Variants in HTT observed in about 807,000 individuals in gnomAD.
HTT encodes the protein huntingtin, also known as huntington disease protein.
HTT carries 104 observed loss-of-function variants against 362.3 expected under a neutral mutation model. The ratio of observed to expected loss-of-function variants is 0.29; its 90% CI spans 0.24 to 0.34. HTT has a LOEUF of 0.34. Among genes scored for constraint, HTT ranks in the 10% least tolerant of loss-of-function variants. The pLI is 1.00. For missense variants in HTT, 3,301 were observed against 3,928.6 expected (o/e 0.84, Z 4.27); for synonymous variants, 1,577 against 1,548.7 (o/e 1.02, Z -0.43).
rs1712372858 is a variant in HTT, at chr4:3,074,743, C to A, written c.-83C>A. 4.3e-6 allele frequency: 6 copies of A among 1,400,730 alleles called. No homozygotes were observed. The Admixed American group carries it at 6.6e-5, about 16-fold the overall frequency. 86.8% of individuals were successfully genotyped at this position (1,400,730 alleles called of 1,614,324 possible). ...TTCTGCTTTTACCTGCGGCCCAGAG[C>A]CCCATTCATTGCCCCGGTGCTGAGC... is the stretch of plus-strand genomic sequence containing the variant. On this transcript the variant is annotated 5_prime_UTR_variant, in exon 1 of 67. Coordinates refer to ENST00000355072, the MANE Select transcript of HTT (RefSeq NM_001388492.1).
intron 4 of HTT, 58 bp downstream of exon 4, chr4:3,103,941 C>A: frequency 9.9e-7 from 1 of 1,010,048 alleles, no homozygotes; most frequent in Non-Finnish European, 1.6e-6. Context: ...TATAGGTACA[C>A]GTATTTTGTA....
chr4:3,195,881 C>T (rs982112322), intron 40 of HTT, among the ~76,000 whole-genome samples: 1 of 152,132 alleles, frequency 6.6e-6, no homozygotes, highest in African/African-American at 2.4e-5. Context: ...GGCTTTGTGG[C>T]CTTGGATAAG....
chr4:3,081,109 A>C (rs916420323), intron 1 of HTT, among the ~76,000 whole-genome samples: 1 of 152,226 alleles, frequency 6.6e-6, no homozygotes. Context: ...TCAGCTTGTC[A>C]GTTTCAACAA....
intron 29 of HTT, among the ~76,000 whole-genome samples, chr4:3,162,855 A>G (rs981917580): frequency 6.6e-6 from 1 of 152,226 alleles, no homozygotes; most frequent in Non-Finnish European, 1.5e-5. Context: ...TAAATATACA[A>G]TCATGTCATC....
At chr4:3,149,235 A>G (rs1716759231) in intron 26 of HTT, among the ~76,000 whole-genome samples, 1 of 152,038 alleles carries the variant, frequency 6.6e-6, no homozygotes, top group Non-Finnish European at 1.5e-5. Context: ...CAATAAAATC[A>G]ACTTCAAAAC....
At chr4:3,230,482 G>A (rs1311546937) in intron 60 of HTT, among the ~76,000 whole-genome samples, 2 of 152,204 alleles carry the variant, frequency 1.3e-5, no homozygotes, top group East Asian at 3.8e-4. Flanking sequence ...CTCTCCTGGG[G>A]GCCGTTTTGT....
At chr4:3,203,971 C>T (rs1332461357) in intron 41 of HTT, 36 bp from the exon 42 acceptor site, 4 of 1,607,720 alleles carry the variant, frequency 2.5e-6, no homozygotes, top group Non-Finnish European at 3.4e-6. Context: ...CACTGCCATC[C>T]AGAAACATTG....
At chr4:3,220,157 T>C in intron 52 of HTT, 25 bp from the exon 53 acceptor site, 3 of 1,613,940 alleles carry the variant, frequency 1.9e-6, no homozygotes, top group Non-Finnish European at 2.5e-6. Flanking sequence ...ACTCGGATGA[T>C]GTCACTTCCT....
Position 3,233,370 on chromosome 4 carries a change from C to G in HTT, c.8456+17C>G. 1.3e-6 allele frequency: 2 copies of G among 1,582,182 alleles called. No homozygotes were observed. The highest frequency in any genetic ancestry group is 1.1e-5 in the South Asian group (1 of 89,776). ...GATCGCCCAGTGAGTGGGAGCCTGG[C>G]TGGGGCTGGGGCGGGGGTCTCAGAA... On this transcript the variant is annotated intron_variant, in intron 61 of 66. Coordinates refer to ENST00000355072, the MANE Select transcript of HTT (RefSeq NM_001388492.1).
At position 3,125,000 on chromosome 4, in the gene HTT, A is replaced by G. The variant is rs185973618; in HGVS notation, c.1322-549A>G. Among the ~76,000 whole-genome samples the G allele has an allele frequency of 1.8e-4, 27 of 152,346 alleles. No homozygotes were observed. In the East Asian group the frequency reaches 4.0e-3, roughly 23 times the overall value. On this transcript the variant is annotated intron_variant, in intron 10 of 66. Coordinates refer to ENST00000355072, the MANE Select transcript of HTT (RefSeq NM_001388492.1). Reference sequence around the variant, plus strand: ...TGTAATTCTGAAGATGAACAATAAAATGTATTTTTAGAACTTTCAAATGAA... The same window carrying G: ...TGTAATTCTGAAGATGAACAATAAAGTGTATTTTTAGAACTTTCAAATGAA...
At chr4:3,199,602 C>G in intron 40 of HTT, 130 bp from the exon 41 acceptor site, 1 of 702,600 alleles carries the variant, frequency 1.4e-6, no homozygotes, top group East Asian at 2.7e-5. Flanking sequence ...TTTCTAAATG[C>G]CAGGTGTTCT....
In HTT at chr4:3,235,374, G is replaced by A. The variant is rs567166179; in HGVS notation, c.8547G>A (p.Pro2849=). ...AGAACTATCCTCTGGACGTAGGGCC[G>A]GAATTTTCAGCATCAATAATACAGG... ...LIENYPLDVG[P]EFSASIIQMC... The change falls in exon 62 of 67, where the codon CCG becomes CCA. Residue 2849 remains proline (P), a synonymous_variant. Coordinates refer to ENST00000355072, the MANE Select transcript of HTT (RefSeq NM_001388492.1). 128 of 1,612,160 alleles carry A rather than the reference G, an allele frequency of 7.9e-5. No individual in the cohort carries two copies. The highest frequency in any genetic ancestry group is 3.1e-4 in the East Asian group (14 of 44,884).
intron 40 of HTT, among the ~76,000 whole-genome samples, chr4:3,191,955 T>C (rs985652060): frequency 2.6e-5 from 4 of 152,348 alleles, no homozygotes; most frequent in African/African-American, 9.6e-5. Context: ...TTTAAGCTCC[T>C]GGAAAGTGCA....
At chr4:3,121,973 C>G (rs748810342) in intron 9 of HTT, among the ~76,000 whole-genome samples, 2 of 152,236 alleles carry the variant, frequency 1.3e-5, no homozygotes, top group Non-Finnish European at 2.9e-5. Flanking sequence ...CCTTGGCTGC[C>G]TCCTGTGGCA....
chr4:3,177,069 G>T (rs533599309), intron 33 of HTT, among the ~76,000 whole-genome samples: 16 of 152,342 alleles, frequency 1.1e-4, no homozygotes, highest in Non-Finnish European at 2.2e-4. Flanking sequence ...GTAATTTTGG[G>T]TATTGTCTGA....
intron 59 of HTT, 37 bp downstream of exon 59, chr4:3,229,046 TGCCACACGCACCACACAC>T: frequency 6.3e-7 from 1 of 1,594,108 alleles, no homozygotes. Context: ...CACCTGCACG[TGCCACACGCACCACACAC>T]GCCACACACC....
intron 2 of HTT, among the ~76,000 whole-genome samples, chr4:3,088,059 A>G (rs939981112): frequency 9.9e-5 from 15 of 151,542 alleles, no homozygotes; most frequent in Non-Finnish European, 2.1e-4. Flanking sequence ...CTGATCTCGA[A>G]CTCCCAACCT....
At chr4:3,152,048 C>T (rs1716919674) in intron 26 of HTT, among the ~76,000 whole-genome samples, 1 of 151,544 alleles carries the variant, frequency 6.6e-6, no homozygotes, top group East Asian at 1.9e-4. Context: ...CTGCCTCAGC[C>T]TTCTCAGTAG....
Position 3,240,161 on chromosome 4 carries a change from G to A in HTT, c.*102G>A, listed in dbSNP as rs1721742371. On this transcript the variant is annotated 3_prime_UTR_variant, in exon 67 of 67. Coordinates refer to ENST00000355072, the MANE Select transcript of HTT (RefSeq NM_001388492.1). ...CCACCGAGCCAGCTTGGTCCCTATG[G>A]GCTTCCGCACATGCCGCGGGCGGCC... 5.1e-6 allele frequency: 5 copies of A among 984,496 alleles called. No individual in the cohort carries two copies. Among genetic ancestry groups the A allele is most frequent in the African/African-American group, 3.2e-5 (2 of 61,746 alleles). 61.0% of individuals were successfully genotyped at this position (984,496 alleles called of 1,614,324 possible). A position where few individuals can be genotyped will look rare whatever the true frequency, so the allele number is the denominator to read the frequency against.
Sources: gnomAD v4.1 joint callset for allele counts (sites outside exome capture counted in the v4.1 genomes callset) on GRCh38, gnomAD v4.1.1 for gene constraint, MANE v1.5 for transcripts, NCBI Gene and HGNC (gene_info 2026-07-23, HGNC 2026-07-21) for gene names.